The following SVEP1 variants were observed in gnomAD, a reference collection of about 807,000 sequenced individuals.
SVEP1 encodes sushi, von Willebrand factor type A, EGF and pentraxin domain containing 1, also known as sushi, von Willebrand factor type A, EGF and pentraxin domain-containing protein 1.
A neutral mutation model predicts 367.3 loss-of-function variants in SVEP1; 164 were observed. The observed-to-expected ratio is 0.45, with a 90% confidence interval of 0.39 to 0.51. The LOEUF (loss-of-function observed/expected upper bound fraction) is 0.51. SVEP1 is among the 20% of genes least tolerant of loss of function. The pLI, the probability that SVEP1 is intolerant of heterozygous loss-of-function variation, is 0.00. For missense variants in SVEP1, 4,117 were observed against 4,425.3 expected (o/e 0.93, Z 1.98); for synonymous variants, 1,666 against 1,611.6 (o/e 1.03, Z -0.81).
chr9:110,456,291 C>T (rs948102004), intron 21 of SVEP1, among the ~76,000 whole-genome samples: 17 of 152,216 alleles, frequency 1.1e-4, no homozygotes, highest in African/African-American at 4.1e-4. Context: ...TGGAGTCCAG[C>T]AATCTGTGTT....
intron 39 of SVEP1, among the ~76,000 whole-genome samples, chr9:110,401,404 T>A (rs1827858702): frequency 1.3e-5 from 2 of 151,994 alleles, no homozygotes. Flanking sequence ...ATAAAGTTTA[T>A]GAGAAACAGT....
At chr9:110,455,753 G>C (rs755777308) in intron 21 of SVEP1, 50 bp from the exon 22 acceptor site, 2 of 1,404,682 alleles carry the variant, frequency 1.4e-6, no homozygotes, top group East Asian at 2.4e-5. Flanking sequence ...GGGATTAACC[G>C]AAATAGAACT....
At chr9:110,485,910 A>G (rs1056637328) in intron 9 of SVEP1, among the ~76,000 whole-genome samples, 3 of 152,224 alleles carry the variant, frequency 2.0e-5, no homozygotes, top group Non-Finnish European at 4.4e-5. Flanking sequence ...AAGTCTCATG[A>G]ACATATGTTC....
chr9:110,512,820 C>G (rs781658521), intron 5 of SVEP1, 106 bp downstream of exon 5: 1 of 1,323,962 alleles, frequency 7.6e-7, no homozygotes, highest in Non-Finnish European at 1.1e-6. Flanking sequence ...AGTATGGGGT[C>G]TATGAAATCC....
chr9:110,438,939 C>G (rs1828472138), intron 27 of SVEP1, among the ~76,000 whole-genome samples: 1 of 152,152 alleles, frequency 6.6e-6, no homozygotes, highest in South Asian at 2.1e-4. Context: ...CAACATAGAC[C>G]TTAAACTCAG....
At chr9:110,555,993 C>T (rs1830353051) in intron 1 of SVEP1, among the ~76,000 whole-genome samples, 1 of 152,168 alleles carries the variant, frequency 6.6e-6, no homozygotes. Context: ...ATCTGCTAGC[C>T]TTTGTGAGAC....
At chr9:110,384,810 C>T (rs1319857495) in intron 43 of SVEP1, among the ~76,000 whole-genome samples, 1 of 152,112 alleles carries the variant, frequency 6.6e-6, no homozygotes, top group African/African-American at 2.4e-5. Context: ...AAGTGGCGTG[C>T]AAGTGTACTG....
intron 8 of SVEP1, among the ~76,000 whole-genome samples, chr9:110,493,129 G>A (rs1327748064): frequency 6.6e-6 from 1 of 152,046 alleles, no homozygotes; most frequent in African/African-American, 2.4e-5. Context: ...GTTGTGGGAT[G>A]TATGACAGTG....
rs34366561 is a variant in SVEP1 at position 110,552,024 on chromosome 9, CTTTTTTTTTTTTTT to C, written c.532-1934_532-1921del. ...GGACAATAGAGCAGTGGTACCCAAC[CTTTTTTTTTTTTTT>C]TTTTTTTTTTTGAGTCAGAGTCTCA... is the stretch of plus-strand genomic sequence containing the variant. On this transcript the variant is annotated intron_variant, in intron 1 of 47. Transcript: ENST00000374469. Among the ~76,000 whole-genome samples, 83 of 77,046 alleles carry C rather than the reference CTTTTTTTTTTTTTT, an allele frequency of 1.1e-3. No individual in the cohort carries two copies. In the South Asian group the frequency reaches 0.045, roughly 42 times the overall value. 50.5% of individuals were successfully genotyped at this position (77,046 alleles called of 152,430 possible).
chr9:110,387,698 T>A (rs539407540), intron 41 of SVEP1, among the ~76,000 whole-genome samples: 28 of 152,292 alleles, frequency 1.8e-4, no homozygotes, highest in African/African-American at 6.7e-4. Flanking sequence ...TTATGTATTA[T>A]TAATAATGCT....
chr9:110,548,370 CA>C (rs780466648), intron 2 of SVEP1, among the ~76,000 whole-genome samples: 171 of 152,050 alleles, frequency 1.1e-3, no homozygotes, highest in Non-Finnish European at 2.2e-3. Flanking sequence ...TAATAAATAT[CA>C]GTAATAGTAG....
At chr9:110,521,513 T>C (rs1480284250) in intron 3 of SVEP1, among the ~76,000 whole-genome samples, 2 of 152,218 alleles carry the variant, frequency 1.3e-5, no homozygotes, top group Non-Finnish European at 2.9e-5. Context: ...AAGGACTGTG[T>C]ACAAAAGAGG....
At chr9:110,536,190 T>A (rs1830077272) in intron 3 of SVEP1, among the ~76,000 whole-genome samples, 1 of 152,098 alleles carries the variant, frequency 6.6e-6, no homozygotes, top group South Asian at 2.1e-4. Context: ...AAAAGCCATT[T>A]CTGCATCTAT....
At chr9:110,393,809 G>A (rs899955357) in intron 40 of SVEP1, among the ~76,000 whole-genome samples, 3 of 152,228 alleles carry the variant, frequency 2.0e-5, no homozygotes, top group East Asian at 3.9e-4. Flanking sequence ...GAGGCTGGGG[G>A]AGGGGTGCCC....
chr9:110,495,262 C>T (rs1829428660), intron 8 of SVEP1, among the ~76,000 whole-genome samples: 1 of 152,244 alleles, frequency 6.6e-6, no homozygotes, highest in South Asian at 2.1e-4. Flanking sequence ...CATCCATGTT[C>T]TAATCCCTGG....
intron 36 of SVEP1, among the ~76,000 whole-genome samples, chr9:110,414,475 G>A (rs531232314): frequency 3.9e-5 from 6 of 152,102 alleles, no homozygotes; most frequent in Non-Finnish European, 7.4e-5. Flanking sequence ...CGTTGCTTTA[G>A]ATAGGCTCAG....
intron 37 of SVEP1, 69 bp from the exon 38 acceptor site, chr9:110,409,020 G>C: frequency 6.8e-7 from 1 of 1,480,330 alleles, no homozygotes; most frequent in Non-Finnish European, 8.9e-7. Context: ...TAAATCCTTG[G>C]ATAGTGAAAA....
At chr9:110,366,969 CT>C (rs1227000407) in intron 47 of SVEP1, among the ~76,000 whole-genome samples, 1 of 152,186 alleles carries the variant, frequency 6.6e-6, no homozygotes, top group Non-Finnish European at 1.5e-5. Context: ...ACACAATTTC[CT>C]TCTGAACAAC....
intron 35 of SVEP1, among the ~76,000 whole-genome samples, chr9:110,428,119 C>G (rs1413640752): frequency 2.0e-5 from 3 of 152,110 alleles, no homozygotes; most frequent in Non-Finnish European, 4.4e-5. Context: ...AGACACTCAC[C>G]TAAGTAGCCA....
Sources: allele counts gnomAD v4.1 joint callset (sites outside exome capture counted in the v4.1 genomes callset), GRCh38; gene constraint gnomAD v4.1.1; transcripts MANE v1.5; gene names NCBI Gene and HGNC (gene_info 2026-07-23, HGNC 2026-07-21).